RAPGEF4: variants seen among roughly 807,000 people sequenced by gnomAD.
RAPGEF4 encodes Rap guanine nucleotide exchange factor 4, also known as RAP guanine-nucleotide-exchange factor (GEF) 4.
A neutral mutation model predicts 147.9 loss-of-function variants in RAPGEF4; 66 were observed. The ratio of observed to expected loss-of-function variants is 0.45; its 90% CI spans 0.37 to 0.55. The LOEUF is 0.55. Ranked by LOEUF, RAPGEF4 falls within the 20% of genes least tolerant of loss-of-function variation. RAPGEF4 has a pLI of 0.00. For missense variants in RAPGEF4, 1,071 were observed against 1,257.3 expected (o/e 0.85, Z 2.24); for synonymous variants, 419 against 442.7 (o/e 0.95, Z 0.67).
chr2:173,033,817 C>G, intron 26 of RAPGEF4, 97 bp from the exon 27 acceptor site: 4 of 1,106,524 alleles, frequency 3.6e-6, no homozygotes, highest in Non-Finnish European at 5.4e-6. Context: ...TGATTAAGAG[C>G]CAATGGATAT....
At chr2:172,783,195 G>C (rs1210840115) in intron 1 of RAPGEF4, among the ~76,000 whole-genome samples, 1 of 152,126 alleles carries the variant, frequency 6.6e-6, no homozygotes, top group Non-Finnish European at 1.5e-5. Context: ...CCTCAGATGT[G>C]GCATCTTATT....
intron 15 of RAPGEF4, among the ~76,000 whole-genome samples, chr2:172,995,245 TTGTGTGTGTGTGTGTGTG>T (rs71018528): frequency 3.6e-5 from 5 of 138,588 alleles, no homozygotes; most frequent in East Asian, 4.4e-4. Flanking sequence ...ACTTGCCTGT[TTGTGTGTGTGTGTGTGTG>T]TGTGTGTGTG....
At chr2:172,818,961 C>G (rs1356010102) in intron 4 of RAPGEF4, among the ~76,000 whole-genome samples, 2 of 152,180 alleles carry the variant, frequency 1.3e-5, no homozygotes, top group African/African-American at 4.8e-5. Flanking sequence ...AGGCAACACT[C>G]AGAGTATTTT....
At chr2:172,903,279 G>C (rs1699267400) in intron 4 of RAPGEF4, among the ~76,000 whole-genome samples, 1 of 148,286 alleles carries the variant, frequency 6.7e-6, no homozygotes, top group Non-Finnish European at 1.5e-5. Context: ...TGAGGCAGGA[G>C]AACGGCGTGA....
At chr2:172,877,285 C>A (rs909979354) in intron 4 of RAPGEF4, among the ~76,000 whole-genome samples, 1 of 152,150 alleles carries the variant, frequency 6.6e-6, no homozygotes, top group African/African-American at 2.4e-5. Context: ...AAACACCCCA[C>A]ATGTTCTCAC....
At chr2:172,960,308 G>T (rs946046881) in intron 6 of RAPGEF4, among the ~76,000 whole-genome samples, 10 of 152,130 alleles carry the variant, frequency 6.6e-5, no homozygotes, top group African/African-American at 2.4e-4. Context: ...AATACAAATT[G>T]CAGAAAAAGA....
chr2:172,917,976 C>A, intron 5 of RAPGEF4, 102 bp downstream of exon 5: 2 of 977,830 alleles, frequency 2.0e-6, no homozygotes, highest in South Asian at 1.3e-5. Flanking sequence ...CAGAGTAAGT[C>A]TCCAGACTCT....
intron 1 of RAPGEF4, among the ~76,000 whole-genome samples, chr2:172,785,417 A>G (rs1485732914): frequency 6.6e-6 from 1 of 152,178 alleles, no homozygotes; most frequent in African/African-American, 2.4e-5. Flanking sequence ...GATGATGACG[A>G]CGGTGGTACT....
intron 4 of RAPGEF4, among the ~76,000 whole-genome samples, chr2:172,904,953 G>A (rs148235064): frequency 6.6e-6 from 1 of 152,004 alleles, no homozygotes; most frequent in East Asian, 1.9e-4. Context: ...AATTCTTCCC[G>A]TGACCTGCAA....
intron 4 of RAPGEF4, among the ~76,000 whole-genome samples, chr2:172,838,790 T>G (rs2553001): frequency 0.76 from 116,090 of 151,996 alleles, 44,672 homozygotes; most frequent in East Asian, 0.96. Context: ...TTACATATAC[T>G]TGATACACCA....
chr2:172,822,438 C>G (rs1689172559), intron 4 of RAPGEF4, among the ~76,000 whole-genome samples: 1 of 152,204 alleles, frequency 6.6e-6, no homozygotes, highest in African/African-American at 2.4e-5. Context: ...CTCTCAGACT[C>G]AATGAAGTCC....
At chr2:172,863,827 A>C (rs1204116637) in intron 4 of RAPGEF4, among the ~76,000 whole-genome samples, 2 of 152,118 alleles carry the variant, frequency 1.3e-5, no homozygotes, top group Non-Finnish European at 2.9e-5. Flanking sequence ...TACCCAACCC[A>C]CCCTCGGGTC....
chr2:172,966,946 A>G (rs1175082917), intron 9 of RAPGEF4, among the ~76,000 whole-genome samples: 1 of 152,230 alleles, frequency 6.6e-6, no homozygotes, highest in African/African-American at 2.4e-5. Flanking sequence ...CAGGTCCCAC[A>G]TCCTAGAAAA....
chr2:172,988,053 A>G, intron 12 of RAPGEF4, 143 bp from the exon 13 acceptor site: 1 of 1,277,710 alleles, frequency 7.8e-7, no homozygotes, highest in Non-Finnish European at 1.0e-6. Context: ...TGCCACCTGA[A>G]CAAGTTAATA....
chr2:172,821,927 A>C (rs751221184), intron 4 of RAPGEF4: 2 of 1,613,456 alleles, frequency 1.2e-6, no homozygotes, highest in Non-Finnish European at 1.7e-6. Context: ...TGCTCACTGG[A>C]TGTCTGAGAA....
intron 1 of RAPGEF4, among the ~76,000 whole-genome samples, chr2:172,757,314 C>T (rs563562301): frequency 6.6e-6 from 1 of 152,262 alleles, no homozygotes; most frequent in Non-Finnish European, 1.5e-5. Flanking sequence ...TATCATTTTT[C>T]TTTTATTTGA....
At position 172,978,671 on chromosome 2, in the gene RAPGEF4, A is replaced by G. The variant is rs373321898; in HGVS notation, c.1005-4825A>G. The stretch of plus-strand genomic sequence containing the variant: ...CTGATTGACGCAGAGCTGTCTTATC[A>G]GTGATGCTGTCTTACTCCTGTGATG... On this transcript the variant is annotated intron_variant, in intron 10 of 30. Coordinates refer to ENST00000397081, the MANE Select transcript of RAPGEF4 (RefSeq NM_007023.4). 3.6e-4 allele frequency among the ~76,000 whole-genome samples: 55 copies of G among 152,308 alleles called. 1 individual carries two copies. The highest frequency in any genetic ancestry group is 1.2e-3 in the African/African-American group (50 of 41,570).
rs904558105 is a variant in RAPGEF4, at chr2:172,846,254, C to A, written c.444+31829C>A. 3.3e-5 allele frequency among the ~76,000 whole-genome samples: 5 copies of A among 152,136 alleles called. No individual in the cohort carries two copies. In the East Asian group the frequency reaches 9.6e-4, roughly 29 times the overall value. On this transcript the variant is annotated intron_variant, in intron 4 of 30. Transcript: ENST00000397081. ...CCTATTTATAGTTAATCCTGTTCTA[C>A]CCTCAGTCCCAAGCAACCAGTGGCC...
At chr2:172,871,335 C>T (rs895016021) in intron 4 of RAPGEF4, among the ~76,000 whole-genome samples, 5 of 152,128 alleles carry the variant, frequency 3.3e-5, no homozygotes, top group African/African-American at 1.2e-4. Flanking sequence ...TTGGTATCGG[C>T]CTGCTTTCTG....
Sources: gnomAD v4.1 joint callset for allele counts (sites outside exome capture counted in the v4.1 genomes callset) on GRCh38, gnomAD v4.1.1 for gene constraint, MANE v1.5 for transcripts, NCBI Gene and HGNC (gene_info 2026-07-23, HGNC 2026-07-21) for gene names.